The following DLGAP2 variants were observed in gnomAD, a reference collection of about 807,000 sequenced individuals.
The protein encoded by DLGAP2 is disks large-associated protein 2.
In DLGAP2, 26 loss-of-function variants were observed where a neutral mutation model predicts 100.3. That is an observed-to-expected ratio of 0.26 (90% CI 0.19 to 0.36). DLGAP2 has a LOEUF of 0.36. Among genes scored for constraint, DLGAP2 ranks in the 10% least tolerant of loss-of-function variants. DLGAP2 has a pLI of 1.00. For missense variants in DLGAP2, 1,858 were observed against 1,453.2 expected (o/e 1.28, Z -4.53); for synonymous variants, 886 against 630.1 (o/e 1.41, Z -6.08).
rs573979465 is a variant in DLGAP2 at position 1,205,765 on chromosome 8, C to T, written c.74-53086C>T. Among the ~76,000 whole-genome samples the T allele has an allele frequency of 5.9e-5, 9 of 152,278 alleles. No individual in the cohort carries two copies. In the South Asian group the frequency reaches 1.7e-3, roughly 28 times the overall value. On this transcript the variant is annotated intron_variant, in intron 2 of 14. Transcript: ENST00000637795. ...CTTGTGATGGGGGCGGGAGACATGGCTGTGCCGTGACTGGAAATTCATGGA... is the reference window on the plus strand; with the variant it reads ...CTTGTGATGGGGGCGGGAGACATGGTTGTGCCGTGACTGGAAATTCATGGA...
intron 6 of DLGAP2, among the ~76,000 whole-genome samples, chr8:1,576,725 C>A (rs528611654): frequency 6.6e-6 from 1 of 152,250 alleles, no homozygotes; most frequent in East Asian, 1.9e-4. Flanking sequence ...ATAGGGAGTC[C>A]TTTCTCCATT....
intron 1 of DLGAP2, among the ~76,000 whole-genome samples, chr8:846,454 A>G (rs980719738): frequency 6.6e-6 from 1 of 152,240 alleles, no homozygotes. Context: ...CATGTTGCCC[A>G]AAGTGAAAGG....
chr8:989,952 T>C (rs1800607705), intron 2 of DLGAP2, among the ~76,000 whole-genome samples: 1 of 152,110 alleles, frequency 6.6e-6, no homozygotes, highest in Non-Finnish European at 1.5e-5. Context: ...CTGTTGGGTG[T>C]TGGGTTCGAT....
intron 3 of DLGAP2, among the ~76,000 whole-genome samples, chr8:1,282,988 C>G (rs1799848646): frequency 1.5e-5 from 2 of 129,902 alleles, no homozygotes; most frequent in East Asian, 5.0e-4. Context: ...GACCTGAATC[C>G]AGCCCCCTGA....
intron 3 of DLGAP2, among the ~76,000 whole-genome samples, chr8:1,413,891 T>C (rs1439833257): frequency 6.6e-6 from 1 of 152,064 alleles, no homozygotes; most frequent in East Asian, 1.9e-4. Flanking sequence ...ACTTATTAAA[T>C]GGTGAATTCT....
At chr8:1,389,793 G>C (rs923611056) in intron 3 of DLGAP2, among the ~76,000 whole-genome samples, 2 of 152,116 alleles carry the variant, frequency 1.3e-5, no homozygotes, top group African/African-American at 2.4e-5. Flanking sequence ...CGGAGACCCA[G>C]AGCGAGCCTT....
intron 3 of DLGAP2, among the ~76,000 whole-genome samples, chr8:1,440,327 G>A (rs567489705): frequency 2.0e-5 from 3 of 152,296 alleles, no homozygotes; most frequent in African/African-American, 7.2e-5. Flanking sequence ...ATGGACTCAC[G>A]TGGGAAATGG....
intron 3 of DLGAP2, among the ~76,000 whole-genome samples, chr8:1,311,762 G>C (rs1009494875): frequency 6.6e-6 from 1 of 151,598 alleles, no homozygotes; most frequent in Non-Finnish European, 1.5e-5. Flanking sequence ...GTATGATAAA[G>C]GGCATTTATG....
chr8:1,043,447 G>A (rs553447470), intron 2 of DLGAP2, among the ~76,000 whole-genome samples: 44 of 151,990 alleles, frequency 2.9e-4, no homozygotes, highest in Admixed American at 1.4e-3. Flanking sequence ...CACGGGTGGT[G>A]GATGTAGGTG....
In DLGAP2 at chr8:1,548,752, G is replaced by C; in HGVS notation, c.299G>C (p.Gly100Ala). Residue 100 changes from glycine (G) to alanine (A), a missense_variant, in exon 5 of 15, where the codon GGT becomes GCT. Gly to Ala is a moderately conservative substitution (Grantham distance 60, BLOSUM62 0). Coordinates refer to ENST00000637795, the MANE Select transcript of DLGAP2 (RefSeq NM_001346810.2). ...QPPLCSGHTC[G>A]LAPPEDCEHL... ...CCGCTGTGTTCCGGGCACACGTGTGGTCTGGCGCCCCCGGAGGACTGCGAG... is the reference window on the plus strand; with the variant it reads ...CCGCTGTGTTCCGGGCACACGTGTGCTCTGGCGCCCCCGGAGGACTGCGAG... 1 of 1,604,148 alleles carries C rather than the reference G, an allele frequency of 6.2e-7. No individual in the cohort carries two copies. The highest frequency in any genetic ancestry group is 8.5e-7 in the Non-Finnish European group (1 of 1,177,126).
At chr8:904,647 G>A (rs908631558) in intron 1 of DLGAP2, among the ~76,000 whole-genome samples, 3 of 152,186 alleles carry the variant, frequency 2.0e-5, no homozygotes, top group African/African-American at 4.8e-5. Flanking sequence ...CTGATGCCAC[G>A]GAGGGGTTAG....
chr8:1,659,358 C>T (rs1412431883), intron 8 of DLGAP2, among the ~76,000 whole-genome samples: 1 of 152,076 alleles, frequency 6.6e-6, no homozygotes, highest in Non-Finnish European at 1.5e-5. Context: ...TCTATTAGGT[C>T]CACTTGGTCC....
intron 1 of DLGAP2, among the ~76,000 whole-genome samples, chr8:768,031 A>G (rs77947049): frequency 1.3e-5 from 2 of 152,220 alleles, no homozygotes; most frequent in Non-Finnish European, 2.9e-5. Context: ...GGTGGAGTGA[A>G]GGAAGATGTG....
intron 3 of DLGAP2, among the ~76,000 whole-genome samples, chr8:1,412,435 A>G (rs1796757997): frequency 6.6e-6 from 1 of 152,188 alleles, no homozygotes; most frequent in Admixed American, 6.5e-5. Flanking sequence ...TTACATTGCT[A>G]AATGCATGCA....
chr8:900,916 A>G (rs1798239107), intron 1 of DLGAP2, among the ~76,000 whole-genome samples: 1 of 152,228 alleles, frequency 6.6e-6, no homozygotes, highest in Non-Finnish European at 1.5e-5. Flanking sequence ...AGAAGAGAAC[A>G]GAGAAGAAGT....
chr8:1,152,182 G>A (rs1796708831), intron 2 of DLGAP2, among the ~76,000 whole-genome samples: 1 of 152,196 alleles, frequency 6.6e-6, no homozygotes, highest in African/African-American at 2.4e-5. Context: ...TGCTATGAGA[G>A]TGTTAGTGAT....
At chr8:1,344,522 C>T (rs570496608) in intron 3 of DLGAP2, among the ~76,000 whole-genome samples, 3 of 152,240 alleles carry the variant, frequency 2.0e-5, no homozygotes, top group African/African-American at 4.8e-5. Flanking sequence ...TCTGTAAAAT[C>T]GGAATATTCA....
chr8:1,570,054 C>G (rs1281533684), intron 6 of DLGAP2, among the ~76,000 whole-genome samples: 2 of 152,236 alleles, frequency 1.3e-5, no homozygotes, highest in Non-Finnish European at 1.5e-5. Context: ...AGTTGTCACT[C>G]TGTAACCCTG....
At chr8:1,527,656 C>T (rs539034729) in intron 4 of DLGAP2, among the ~76,000 whole-genome samples, 11 of 152,250 alleles carry the variant, frequency 7.2e-5, no homozygotes, top group South Asian at 2.1e-4. Flanking sequence ...TATGTGGGAA[C>T]GGAACGGAAA....
Sources: allele counts gnomAD v4.1 joint callset (sites outside exome capture counted in the v4.1 genomes callset), GRCh38; gene constraint gnomAD v4.1.1; transcripts MANE v1.5; gene names NCBI Gene and HGNC (gene_info 2026-07-23, HGNC 2026-07-21).